The following ZMYM2 variants were observed in gnomAD, a reference collection of about 807,000 sequenced individuals.
The protein encoded by ZMYM2 is zinc finger MYM-type protein 2.
Under a neutral mutation model 162.8 loss-of-function variants are expected in ZMYM2, and 56 were observed. That is an observed-to-expected ratio of 0.34 (90% CI 0.28 to 0.43). ZMYM2 has a LOEUF of 0.43. Ranked by LOEUF, ZMYM2 falls within the 20% of genes least tolerant of loss-of-function variation. The pLI is 1.00. For missense variants in ZMYM2, 1,275 were observed against 1,621.8 expected (o/e 0.79, Z 3.67); for synonymous variants, 510 against 541.6 (o/e 0.94, Z 0.81).
the ZMYM2 span, among the ~76,000 whole-genome samples, chr13:19,876,328 CTT>C: frequency 1.4e-5 from 2 of 144,578 alleles, no homozygotes; most frequent in African/African-American, 5.2e-5. Context: ...ACGCCTGGCT[CTT>C]TTACTTTTTT....
chr13:20,040,121 T>TC (rs555252644), intron 12 of ZMYM2, among the ~76,000 whole-genome samples: 356 of 152,164 alleles, frequency 2.3e-3, no homozygotes, highest in Non-Finnish European at 4.4e-3. Context: ...TAGGGAGAAG[T>TC]CCCCCCTCCT....
the ZMYM2 span, among the ~76,000 whole-genome samples, chr13:19,908,266 T>C: frequency 6.6e-6 from 1 of 152,012 alleles, no homozygotes; most frequent in Admixed American, 6.6e-5. Flanking sequence ...CCAGCCTGGG[T>C]GACAAAGTGA....
chr13:20,007,350 T>A (rs1407599941), intron 6 of ZMYM2, among the ~76,000 whole-genome samples: 1 of 152,100 alleles, frequency 6.6e-6, no homozygotes, highest in Non-Finnish European at 1.5e-5. Flanking sequence ...TTAGCCAGGC[T>A]GGTCTCGAAC....
chr13:20,082,706 T>TTCTA, intron 22 of ZMYM2, 75 bp from the exon 23 acceptor site: 2 of 1,253,228 alleles, frequency 1.6e-6, no homozygotes, highest in Non-Finnish European at 2.2e-6. Flanking sequence ...TTAAATTAAC[T>TTCTA]GTGTCTGCTT....
chr13:20,073,450 C>T (rs1459147611), intron 21 of ZMYM2, among the ~76,000 whole-genome samples: 1 of 152,186 alleles, frequency 6.6e-6, no homozygotes, highest in Non-Finnish European at 1.5e-5. Context: ...CCTAGACACT[C>T]ATGTAGCTAA....
rs1383828477 is a variant in ZMYM2, at chr13:20,086,219, A to G, written c.*205A>G. The G allele has an allele frequency of 5.1e-6, 2 of 392,916 alleles. No homozygotes were observed. The highest frequency in any genetic ancestry group is 9.0e-6 in the Non-Finnish European group (2 of 221,574). 24.3% of individuals were successfully genotyped at this position (392,916 alleles called of 1,614,324 possible). On this transcript the variant is annotated 3_prime_UTR_variant, in exon 25 of 25. Coordinates refer to ENST00000610343, the MANE Select transcript of ZMYM2 (RefSeq NM_197968.4). ...TGGTTTTAGGATACTTAACAAATAC[A>G]TTCAAATTCTTTTTTTATTATTATT...
At chr13:19,884,385 C>A in the ZMYM2 span, among the ~76,000 whole-genome samples, 4 of 151,086 alleles carry the variant, frequency 2.6e-5, no homozygotes, top group Admixed American at 6.6e-5. Context: ...ACGGCCCGGG[C>A]TAACACAGTA....
intron 6 of ZMYM2, among the ~76,000 whole-genome samples, chr13:20,010,267 C>T (rs1314659457): frequency 3.9e-5 from 6 of 152,138 alleles, no homozygotes; most frequent in Non-Finnish European, 1.5e-5. Flanking sequence ...ACAATCTTGG[C>T]TCACTGCAAC....
chr13:20,027,434 A>C (rs1952686045), intron 9 of ZMYM2, 116 bp downstream of exon 9: 6 of 773,696 alleles, frequency 7.8e-6, no homozygotes. Context: ...TTGAGGGTCA[A>C]ATTGGAAGGT....
intron 2 of ZMYM2, among the ~76,000 whole-genome samples, chr13:19,984,146 G>A (rs1948956182): frequency 1.3e-5 from 2 of 152,162 alleles, no homozygotes; most frequent in Non-Finnish European, 2.9e-5. Context: ...TGCTTTCTTT[G>A]TGATTTTGTT....
intron 12 of ZMYM2, among the ~76,000 whole-genome samples, chr13:20,050,862 C>CAGAACATTTA: frequency 6.6e-6 from 1 of 152,040 alleles, no homozygotes; most frequent in African/African-American, 2.4e-5. Context: ...TATTGGTTTT[C>CAGAACATTTA]AGAACATTTA....
chr13:19,951,745 T>C, the ZMYM2 span, among the ~76,000 whole-genome samples: 1 of 151,830 alleles, frequency 6.6e-6, no homozygotes, highest in Non-Finnish European at 1.5e-5. Flanking sequence ...ACACATGCTG[T>C]TAATGATGTG....
chr13:20,002,356 C>T (rs759306132), intron 3 of ZMYM2, among the ~76,000 whole-genome samples: 18 of 152,256 alleles, frequency 1.2e-4, no homozygotes, highest in Non-Finnish European at 2.5e-4. Flanking sequence ...TATTATATGT[C>T]TTACCTCATT....
intron 3 of ZMYM2, among the ~76,000 whole-genome samples, chr13:19,994,859 GTCTC>G (rs1401461677): frequency 6.6e-6 from 1 of 151,878 alleles, no homozygotes; most frequent in Non-Finnish European, 1.5e-5. Flanking sequence ...TTGGGACAGG[GTCTC>G]TCTCTGTCGC....
chr13:19,915,751 G>A, the ZMYM2 span, among the ~76,000 whole-genome samples: 103 of 150,992 alleles, frequency 6.8e-4, no homozygotes, highest in African/African-American at 2.1e-3. Flanking sequence ...TGATCCAACC[G>A]CCTCGCCCTC....
intron 14 of ZMYM2, 57 bp downstream of exon 14, chr13:20,052,368 A>T (rs1566403711): frequency 9.5e-6 from 14 of 1,480,154 alleles, no homozygotes. Flanking sequence ...GGGGTAAAAA[A>T]TAATTAGGCC....
chr13:19,869,712 C>T, the ZMYM2 span, among the ~76,000 whole-genome samples: 8 of 151,992 alleles, frequency 5.3e-5, no homozygotes, highest in Non-Finnish European at 7.4e-5. Flanking sequence ...CGCTTGAGCC[C>T]GGAAGGTTGA....
chr13:20,013,561 G>T (rs1245557832), intron 6 of ZMYM2, among the ~76,000 whole-genome samples: 6 of 152,112 alleles, frequency 3.9e-5, no homozygotes, highest in South Asian at 2.1e-4. Flanking sequence ...TGTTAGAATG[G>T]GTTGTTCATA....
the ZMYM2 span, among the ~76,000 whole-genome samples, chr13:19,945,346 G>A: frequency 0.016 from 2,492 of 152,048 alleles, 88 homozygotes; most frequent in African/African-American, 0.057. Flanking sequence ...CTGCCTCCCG[G>A]GTTCAAGCAA....
Sources: allele counts gnomAD v4.1 joint callset (sites outside exome capture counted in the v4.1 genomes callset), GRCh38; gene constraint gnomAD v4.1.1; transcripts MANE v1.5; gene names NCBI Gene and HGNC (gene_info 2026-07-23, HGNC 2026-07-21).